LMO2: variants seen among roughly 807,000 people sequenced by gnomAD.
LMO2 encodes LIM domain only 2.
Under a neutral mutation model 23.2 loss-of-function variants are expected in LMO2, and 20 were observed. That is an observed-to-expected ratio of 0.86 (90% CI 0.61 to 1.25). The LOEUF (loss-of-function observed/expected upper bound fraction) is 1.25. Among genes scored for constraint, LMO2 ranks in the 50% most tolerant of loss-of-function variants. The probability of loss-of-function intolerance (pLI) is 0.00; values close to 1 mark genes in which losing one functional copy is unlikely to be tolerated. For synonymous variants in LMO2, 123 were observed against 130.2 expected (o/e 0.94, Z 0.38); for missense variants, 270 against 315.3 (o/e 0.86, Z 1.09).
intron 1 of LMO2, among the ~76,000 whole-genome samples, chr11:33,882,949 G>A (rs1857321719): frequency 6.6e-6 from 1 of 152,054 alleles, no homozygotes; most frequent in African/African-American, 2.4e-5. Flanking sequence ...ATATTCTTAG[G>A]CCCACACCCA....
chr11:33,872,509 T>A (rs990281884), intron 2 of LMO2, among the ~76,000 whole-genome samples: 5 of 152,186 alleles, frequency 3.3e-5, no homozygotes, highest in Admixed American at 1.3e-4. Context: ...GCAGCTGCTA[T>A]GTTATAGTAA....
At chr11:33,860,961 G>A (rs1403736897) in intron 5 of LMO2, among the ~76,000 whole-genome samples, 1 of 152,188 alleles carries the variant, frequency 6.6e-6, no homozygotes, top group Non-Finnish European at 1.5e-5. Context: ...ACCGGAAGCA[G>A]AGAAGACCCA....
rs765567006 is a variant in LMO2, at chr11:33,869,524, G to A, written c.70C>T (p.Arg24Trp). The A allele has an allele frequency of 2.4e-6, 3 of 1,237,108 alleles. No homozygotes were observed. The highest frequency in any genetic ancestry group is 5.4e-5 in the South Asian group (2 of 37,120). The allele number at this position is 1,237,108 out of a possible 1,614,324, so 76.6% of individuals were successfully genotyped here. A position where few individuals can be genotyped will look rare whatever the true frequency, so the allele number is the denominator to read the frequency against. The change falls in exon 4 of 6, where the codon CGG (arginine) becomes TGG (tryptophan). Residue 24 changes from arginine (R) to tryptophan (W), a missense_variant. This residue lies in a region of LMO2 where 170 missense variants were observed against 162.0 expected (regional missense o/e 1.05). Transcript: ENST00000257818. ...ASSPAERRSK[R>W]RRRSGGDGGG... ...CCGTCGCCGCCGCTCCTGCGCCTCC[G>A]CTTGCTCCGGCGCTCCGCCGGCGAG...
intron 2 of LMO2, among the ~76,000 whole-genome samples, chr11:33,872,766 T>C (rs1267544810): frequency 1.3e-5 from 2 of 152,070 alleles, no homozygotes; most frequent in African/African-American, 4.8e-5. Flanking sequence ...ATTTGTTTGT[T>C]TGTTTGTTTT....
chr11:33,865,931 CCTTA>C (rs2133692858), intron 4 of LMO2, among the ~76,000 whole-genome samples: 1 of 152,336 alleles, frequency 6.6e-6, no homozygotes, highest in East Asian at 1.9e-4. Flanking sequence ...TTCTCTGGAA[CCTTA>C]CTTAAACACA....
chr11:33,873,930 T>A (rs1857080211), intron 2 of LMO2, among the ~76,000 whole-genome samples: 1 of 152,220 alleles, frequency 6.6e-6, no homozygotes, highest in African/African-American at 2.4e-5. Flanking sequence ...GAAATGAAAA[T>A]GCAAATATAA....
In LMO2 at chr11:33,886,474, G is replaced by C. The variant is rs573111701; in HGVS notation, c.-335-4587C>G. On this transcript the variant is annotated intron_variant, in intron 1 of 5. Transcript: ENST00000257818. ...AAGAATTGTACATTCCAAACAGATA[G>C]GGATGACACTGTGGGTGCAGTATTG... Among the ~76,000 whole-genome samples, 17 of 152,294 alleles carry C rather than the reference G, an allele frequency of 1.1e-4. No individual in the cohort carries two copies. The Middle Eastern group carries it at 0.01, about 91-fold the overall frequency.
At chr11:33,860,787 TAAAC>T (rs1039691353) in intron 5 of LMO2, among the ~76,000 whole-genome samples, 8 of 151,770 alleles carry the variant, frequency 5.3e-5, no homozygotes, top group Non-Finnish European at 7.4e-5. Flanking sequence ...AAGCAAAAAC[TAAAC>T]AAACAAACAA....
Position 33,879,437 on chromosome 11 carries a change from T to C in LMO2, c.-272+2387A>G, listed in dbSNP as rs1322581116. ...GAGTTCGAGACCAGCCTGGCCAACATAGTGAAACTCCTGTCTCTACTTAAA... is the reference window on the plus strand; with the variant it reads ...GAGTTCGAGACCAGCCTGGCCAACACAGTGAAACTCCTGTCTCTACTTAAA... On this transcript the variant is annotated intron_variant, in intron 2 of 5. Coordinates refer to ENST00000257818, the MANE Select transcript of LMO2 (RefSeq NM_005574.4). Among the ~76,000 whole-genome samples, 5 of 139,068 alleles carry C rather than the reference T, an allele frequency of 3.6e-5. No homozygotes were observed. In the East Asian group the frequency reaches 1.0e-3, roughly 29 times the overall value. The allele number at this position is 139,068 out of a possible 152,430, so 91.2% of individuals were successfully genotyped here.
chr11:33,862,479 C>A (rs181349602), intron 5 of LMO2, among the ~76,000 whole-genome samples: 5 of 152,254 alleles, frequency 3.3e-5, no homozygotes, highest in African/African-American at 1.2e-4. Context: ...GGGTTCCCAA[C>A]AATACAACAC....
At chr11:33,887,725 G>T (rs554082723) in intron 1 of LMO2, among the ~76,000 whole-genome samples, 1 of 152,060 alleles carries the variant, frequency 6.6e-6, no homozygotes, top group African/African-American at 2.4e-5. Context: ...CTTTTGTTTT[G>T]TTTTTTGTTT....
intron 2 of LMO2, among the ~76,000 whole-genome samples, chr11:33,878,682 C>T (rs1224470028): frequency 2.0e-5 from 3 of 152,214 alleles, no homozygotes; most frequent in Non-Finnish European, 4.4e-5. Flanking sequence ...CAAGCTACAT[C>T]TTTACCCTGA....
At chr11:33,872,295 T>C (rs1857043431) in intron 2 of LMO2, among the ~76,000 whole-genome samples, 1 of 152,012 alleles carries the variant, frequency 6.6e-6, no homozygotes, top group African/African-American at 2.4e-5. Context: ...CGTCTCAAAA[T>C]AAATAAACAA....
chr11:33,869,616 A>T (rs1382263125), intron 3 of LMO2, 30 bp from the exon 4 acceptor site: 1 of 1,264,802 alleles, frequency 7.9e-7, no homozygotes, highest in Admixed American at 4.4e-5. Flanking sequence ...AGAGCGAATC[A>T]CCGGGCTGCG....
In LMO2 at chr11:33,880,569, A is replaced by G. The variant is rs1857257975; in HGVS notation, c.-272+1255T>C. 1 of 152,202 alleles carries G rather than the reference A, an allele frequency of 6.6e-6. No individual in the cohort carries two copies. Among genetic ancestry groups the G allele is most frequent in the Non-Finnish European group, 1.5e-5 (1 of 68,078 alleles). 9.4% of individuals were successfully genotyped at this position (152,202 alleles called of 1,614,324 possible). On this transcript the variant is annotated intron_variant, in intron 2 of 5. Coordinates refer to ENST00000257818, the MANE Select transcript of LMO2 (RefSeq NM_005574.4). The surrounding 1 kb of genome is among the most constrained non-coding windows in gnomAD (Gnocchi z 4.3). Reference sequence around the variant, plus strand: ...AACATTTCAGTTGGAAAACATTAAAAAGTTCTAGAGCTATATAGTGGTGAT... The same window carrying G: ...AACATTTCAGTTGGAAAACATTAAAGAGTTCTAGAGCTATATAGTGGTGAT...
chr11:33,872,591 A>C (rs1857050649), intron 2 of LMO2, among the ~76,000 whole-genome samples: 1 of 152,206 alleles, frequency 6.6e-6, no homozygotes, highest in African/African-American at 2.4e-5. Flanking sequence ...TTAAAATAAG[A>C]ATTGCCCACC....
Position 33,871,201 on chromosome 11 carries a change from CTGTGTGTG to C in LMO2, c.-271-1222_-271-1215del, listed in dbSNP as rs56309116. ...GGTCCCTAATGGGTATAATCAAAAGCTGTGTGTGTGTGTGTGTGTGTGTGTGTGTGTGT... is the reference window on the plus strand; with the variant it reads ...GGTCCCTAATGGGTATAATCAAAAGCTGTGTGTGTGTGTGTGTGTGTGTGT... On this transcript the variant is annotated intron_variant, in intron 2 of 5. Coordinates refer to ENST00000257818, the MANE Select transcript of LMO2 (RefSeq NM_005574.4). The C allele has an allele frequency of 5.8e-3, 921 of 160,096 alleles. 3 individuals carry two copies. Among genetic ancestry groups the C allele is most frequent in the African/African-American group, 0.014 (525 of 38,100 alleles). The allele number at this position is 160,096 out of a possible 1,614,324, so 9.9% of individuals were successfully genotyped here.
At chr11:33,868,334 C>T (rs1373864710) in intron 4 of LMO2, among the ~76,000 whole-genome samples, 1 of 152,192 alleles carries the variant, frequency 6.6e-6, no homozygotes, top group African/African-American at 2.4e-5. Context: ...ACAAATGTCT[C>T]TTAAAAGCAC....
intron 2 of LMO2, chr11:33,870,475 AGGCTGCGGGCTCCG>A (rs906198567): frequency 2.7e-4 from 262 of 963,808 alleles, no homozygotes; most frequent in Admixed American, 5.0e-4. Flanking sequence ...TGCGGGCCCC[AGGCTGCGGGCTCCG>A]GGCTGCGGGC....
Sources: allele counts gnomAD v4.1 joint callset (sites outside exome capture counted in the v4.1 genomes callset), GRCh38; gene constraint gnomAD v4.1.1; regional missense constraint gnomAD v4.1.1; non-coding constraint Gnocchi (gnomAD v3.1); transcripts MANE v1.5; gene names NCBI Gene and HGNC (gene_info 2026-07-23, HGNC 2026-07-21).